The following GRM8 variants were observed in gnomAD, a reference collection of about 807,000 sequenced individuals.
GRM8 encodes the protein glutamate metabotropic receptor 8.
Under a neutral mutation model 87.2 loss-of-function variants are expected in GRM8, and 47 were observed. That is an observed-to-expected ratio of 0.54 (90% CI 0.43 to 0.69). The LOEUF is 0.69. GRM8 is among the 30% of genes least tolerant of loss of function. GRM8 has a pLI of 0.00. For synonymous variants in GRM8, 396 were observed against 404.5 expected (o/e 0.98, Z 0.25); for missense variants, 1,019 against 1,139.2 (o/e 0.89, Z 1.52).
At position 126,721,702 on chromosome 7, in the gene GRM8, T is replaced by C. The variant is rs75447551; in HGVS notation, c.1357+48163A>G. 8.2e-3 allele frequency among the ~76,000 whole-genome samples: 1,254 copies of C among 152,206 alleles called. 23 individuals carry two copies. Among genetic ancestry groups the C allele is most frequent in the African/African-American group, 0.028 (1,180 of 41,530 alleles). On this transcript the variant is annotated intron_variant, in intron 7 of 10. Transcript: ENST00000339582. ...TGTTGATTCGCTTTCATTTAACAAA[T>C]GTTAATTGAAAATCAAGCTCTGTCT...
chr7:127,110,134 C>T (rs1826212627), intron 2 of GRM8, among the ~76,000 whole-genome samples: 1 of 152,352 alleles, frequency 6.6e-6, no homozygotes, highest in East Asian at 1.9e-4. Flanking sequence ...ACCATTGCCC[C>T]TGTAAGGTCT....
chr7:127,007,803 G>A (rs1321629196), intron 3 of GRM8, among the ~76,000 whole-genome samples: 1 of 151,990 alleles, frequency 6.6e-6, no homozygotes, highest in Non-Finnish European at 1.5e-5. Context: ...GGACTCAGAA[G>A]TCAGAGATGC....
At chr7:126,597,462 C>T (rs993246950) in intron 8 of GRM8, among the ~76,000 whole-genome samples, 11 of 152,010 alleles carry the variant, frequency 7.2e-5, no homozygotes, top group Admixed American at 2.0e-4. Context: ...AAATCTACCA[C>T]AATAAAATGA....
rs1584928468 is a variant in GRM8 at position 126,522,248 on chromosome 7, A to G, written c.2430+10704T>C. Among the ~76,000 whole-genome samples the G allele has an allele frequency of 2.0e-5, 3 of 151,928 alleles. No homozygotes were observed. In the South Asian group the frequency reaches 6.2e-4, roughly 32 times the overall value. Reference sequence around the variant, plus strand: ...AATGAGTCCTCTCCTTTCCACTTCCACCGCCACATGTCAAACCCCCAATAT... The same window carrying G: ...AATGAGTCCTCTCCTTTCCACTTCCGCCGCCACATGTCAAACCCCCAATAT... On this transcript the variant is annotated intron_variant, in intron 9 of 10. Coordinates refer to ENST00000339582, the MANE Select transcript of GRM8 (RefSeq NM_000845.3).
chr7:127,094,900 G>A (rs1824490865), intron 3 of GRM8, among the ~76,000 whole-genome samples: 3 of 152,172 alleles, frequency 2.0e-5, no homozygotes, highest in Non-Finnish European at 4.4e-5. Flanking sequence ...TTATACTTGG[G>A]AATTCACATT....
At chr7:127,200,459 CAGG>C (rs1795526147) in intron 2 of GRM8, among the ~76,000 whole-genome samples, 1 of 152,160 alleles carries the variant, frequency 6.6e-6, no homozygotes, top group Non-Finnish European at 1.5e-5. Flanking sequence ...CCAATAAAAA[CAGG>C]AGAAGTATGG....
chr7:126,800,192 G>T (rs1403421303), intron 6 of GRM8, among the ~76,000 whole-genome samples: 2 of 151,888 alleles, frequency 1.3e-5, no homozygotes, highest in East Asian at 3.9e-4. Flanking sequence ...TTACTTTGTG[G>T]TTCCTTAAAA....
intron 3 of GRM8, among the ~76,000 whole-genome samples, chr7:127,005,929 C>G (rs1381598441): frequency 1.3e-5 from 2 of 151,782 alleles, no homozygotes; most frequent in Non-Finnish European, 1.5e-5. Flanking sequence ...ACCTCCCCAC[C>G]ACCCAGCATC....
chr7:126,832,116 T>C (rs1234115679), intron 6 of GRM8, among the ~76,000 whole-genome samples: 2 of 149,942 alleles, frequency 1.3e-5, no homozygotes, highest in African/African-American at 2.5e-5. Flanking sequence ...GACAGAATCA[T>C]GACTAGAACT....
intron 3 of GRM8, among the ~76,000 whole-genome samples, chr7:126,913,090 G>C (rs1803489752): frequency 6.6e-6 from 1 of 152,116 alleles, no homozygotes; most frequent in Non-Finnish European, 1.5e-5. Context: ...TAATTTAGTA[G>C]GAGAAAAATA....
At chr7:126,982,290 C>T (rs568685550) in intron 3 of GRM8, among the ~76,000 whole-genome samples, 1 of 152,288 alleles carries the variant, frequency 6.6e-6, no homozygotes. Flanking sequence ...CCTTTCCCAG[C>T]CCACTGACTC....
At chr7:127,096,753 C>G (rs1331614216) in intron 3 of GRM8, among the ~76,000 whole-genome samples, 1 of 152,118 alleles carries the variant, frequency 6.6e-6, no homozygotes, top group African/African-American at 2.4e-5. Context: ...ATAAACCCAG[C>G]CAGTGAGAAG....
chr7:127,201,747 C>T (rs1223253013), intron 2 of GRM8, among the ~76,000 whole-genome samples: 1 of 152,138 alleles, frequency 6.6e-6, no homozygotes, highest in African/African-American at 2.4e-5. Context: ...TTCATTTATT[C>T]TTCTCTGTGA....
intron 6 of GRM8, among the ~76,000 whole-genome samples, chr7:126,902,262 T>C (rs1256049579): frequency 1.3e-5 from 2 of 152,182 alleles, no homozygotes; most frequent in Non-Finnish European, 2.9e-5. Flanking sequence ...CCTAATAAAG[T>C]ACATTTTCCA....
rs564544065 is a variant in GRM8 at position 126,693,624 on chromosome 7, T to G, written c.1357+76241A>C. ...GCTTTTAAAATAGGTACAAATACTT[T>G]TTCTAAAAGTTTTACATTACTTCTT... On this transcript the variant is annotated intron_variant, in intron 7 of 10. Coordinates refer to ENST00000339582, the MANE Select transcript of GRM8 (RefSeq NM_000845.3). Among the ~76,000 whole-genome samples the G allele has an allele frequency of 2.6e-5, 4 of 152,296 alleles. No homozygotes were observed. In the East Asian group the frequency reaches 7.7e-4, roughly 29 times the overall value.
At chr7:127,009,437 C>G (rs1473954372) in intron 3 of GRM8, among the ~76,000 whole-genome samples, 1 of 152,054 alleles carries the variant, frequency 6.6e-6, no homozygotes, top group African/African-American at 2.4e-5. Flanking sequence ...GTGGGCACTT[C>G]CTAGAATGAC....
chr7:127,197,472 A>G (rs1333468525), intron 2 of GRM8, among the ~76,000 whole-genome samples: 1 of 152,052 alleles, frequency 6.6e-6, no homozygotes, highest in Non-Finnish European at 1.5e-5. Context: ...AAGAAACAAT[A>G]CTTTTTTCCT....
In GRM8 at chr7:126,609,321, G is replaced by A. The variant is rs1257109403; in HGVS notation, c.1494+41C>T. The A allele has an allele frequency of 5.3e-6, 8 of 1,516,398 alleles. No individual in the cohort carries two copies. The Middle Eastern group carries it at 5.2e-4, about 98-fold the overall frequency. 93.9% of individuals were successfully genotyped at this position (1,516,398 alleles called of 1,614,324 possible). A position where few individuals can be genotyped will look rare whatever the true frequency, so the allele number is the denominator to read the frequency against. On this transcript the variant is annotated intron_variant, in intron 8 of 10. Transcript: ENST00000339582. ...ACTTAAAAATAAAGCATCCCTCCTGGAGAGCTATATACATTAATATATGTT... is the reference window on the plus strand; with the variant it reads ...ACTTAAAAATAAAGCATCCCTCCTGAAGAGCTATATACATTAATATATGTT...
chr7:126,495,005 A>T (rs1808528316), intron 9 of GRM8, among the ~76,000 whole-genome samples: 1 of 152,098 alleles, frequency 6.6e-6, no homozygotes, highest in South Asian at 2.1e-4. Flanking sequence ...ACATTAAATT[A>T]AAAATCAATT....
Sources: gnomAD v4.1 joint callset for allele counts (sites outside exome capture counted in the v4.1 genomes callset) on GRCh38, gnomAD v4.1.1 for gene constraint, MANE v1.5 for transcripts, NCBI Gene and HGNC (gene_info 2026-07-23, HGNC 2026-07-21) for gene names.